Variants in CEP120 observed in about 807,000 individuals in gnomAD.
The protein encoded by CEP120 is centrosomal protein of 120 kDa.
In CEP120, 113 loss-of-function variants were observed where a neutral mutation model predicts 126.5. The observed-to-expected ratio is 0.89, with a 90% CI of 0.77 to 1.04. The LOEUF (loss-of-function observed/expected upper bound fraction) is 1.04. CEP120 is among the 50% of genes least tolerant of loss of function. The probability of loss-of-function intolerance (pLI) is 0.00; values close to 1 mark genes in which losing one functional copy is unlikely to be tolerated. For synonymous variants in CEP120, 400 were observed against 394.3 expected (o/e 1.01, Z -0.17); for missense variants, 1,230 against 1,155.7 (o/e 1.06, Z -0.93).
intron 5 of CEP120, among the ~76,000 whole-genome samples, chr5:123,395,027 C>T (rs1199523182): frequency 6.6e-6 from 1 of 152,228 alleles, no homozygotes; most frequent in African/African-American, 2.4e-5. Context: ...GAGAAGAACA[C>T]ACTAACCATT....
chr5:123,364,692 T>G, intron 17 of CEP120, 98 bp from the exon 18 acceptor site: 1 of 550,652 alleles, frequency 1.8e-6, no homozygotes, highest in Non-Finnish European at 3.1e-6. Context: ...AGAAAAGAGT[T>G]TATACAGTGT....
chr5:123,375,923 T>C (rs1562027526), intron 16 of CEP120, among the ~76,000 whole-genome samples: 1 of 151,996 alleles, frequency 6.6e-6, no homozygotes, highest in Non-Finnish European at 1.5e-5. Context: ...TTGGGAGGCA[T>C]TCATCATACA....
rs183884148 is a variant in CEP120, at chr5:123,349,792, C to T, written c.2726+152G>A. ...GTGCTAGGATTACAGGCATGCGCCA[C>T]AGTACCCAGCTGGCATAGATTTTCT... On this transcript the variant is annotated intron_variant, in intron 19 of 19. Transcript: ENST00000306467. The T allele has an allele frequency of 1.6e-3, 1,018 of 627,538 alleles. 7 individuals are homozygous for T. The highest frequency in any genetic ancestry group is 9.3e-3 in the South Asian group (397 of 42,638). 38.9% of individuals were successfully genotyped at this position (627,538 alleles called of 1,614,324 possible). A position where few individuals can be genotyped will look rare whatever the true frequency, so the allele number is the denominator to read the frequency against.
At chr5:123,418,599 GTTT>G (rs10544575) in intron 1 of CEP120, 84 bp from the exon 2 acceptor site, 11,892 of 860,750 alleles carry the variant, frequency 0.014, 5 homozygotes, top group South Asian at 0.021. Context: ...TGTTTGGCTG[GTTT>G]TTTTTTTTTT....
chr5:123,369,580 C>A (rs1770705588), intron 17 of CEP120, among the ~76,000 whole-genome samples: 1 of 151,960 alleles, frequency 6.6e-6, no homozygotes, highest in African/African-American at 2.4e-5. Context: ...CCAGGCTTAA[C>A]CTCACTTCAG....
In CEP120 at chr5:123,357,982, G is replaced by A. The variant is rs1362429381; in HGVS notation, c.2580+6514C>T. 3.3e-5 allele frequency among the ~76,000 whole-genome samples: 5 copies of A among 152,198 alleles called. No homozygotes were observed. In the East Asian group the frequency reaches 9.7e-4, roughly 29 times the overall value. On this transcript the variant is annotated intron_variant, in intron 18 of 19. Transcript: ENST00000306467. ...AGATAATTATGTAATATTTAGTGAA[G>A]CTGAAGAAATGAATGTCCCCTAGTA...
chr5:123,381,767 A>AT (rs34626784), intron 14 of CEP120, among the ~76,000 whole-genome samples: 3 of 150,490 alleles, frequency 2.0e-5, no homozygotes, highest in African/African-American at 7.3e-5. Flanking sequence ...ACACACACAT[A>AT]TTTTTTTTTA....
intron 2 of CEP120, among the ~76,000 whole-genome samples, chr5:123,416,870 C>G (rs1432166247): frequency 6.6e-6 from 1 of 151,854 alleles, no homozygotes; most frequent in Admixed American, 6.6e-5. Context: ...AAAAAACAAA[C>G]AGGAATTAAA....
intron 17 of CEP120, among the ~76,000 whole-genome samples, chr5:123,371,941 A>G (rs767541014): frequency 2.9e-4 from 44 of 152,102 alleles, no homozygotes; most frequent in Non-Finnish European, 5.4e-4. Context: ...ATCATGCCTA[A>G]AAGTTATTAA....
At chr5:123,411,761 G>C (rs934520367) in intron 4 of CEP120, among the ~76,000 whole-genome samples, 1 of 152,212 alleles carries the variant, frequency 6.6e-6, no homozygotes, top group African/African-American at 2.4e-5. Flanking sequence ...TACTACAATA[G>C]TGGATACTAC....
intron 1 of CEP120, among the ~76,000 whole-genome samples, chr5:123,420,248 T>C (rs539215126): frequency 2.0e-4 from 30 of 152,324 alleles, no homozygotes; most frequent in African/African-American, 7.2e-4. Context: ...CATATTATTA[T>C]AACTAGCAGC....
chr5:123,365,797 G>A (rs956981636), intron 17 of CEP120, among the ~76,000 whole-genome samples: 1 of 151,382 alleles, frequency 6.6e-6, no homozygotes, highest in Non-Finnish European at 1.5e-5. Context: ...TTATCACTGT[G>A]GGATAAGAGG....
chr5:123,417,728 C>G (rs964501829), intron 2 of CEP120, among the ~76,000 whole-genome samples: 17 of 151,222 alleles, frequency 1.1e-4, no homozygotes, highest in Non-Finnish European at 2.2e-4. Flanking sequence ...AAAAAAAAAC[C>G]CAAACAGCTC....
At chr5:123,402,612 C>T (rs1360205577) in intron 4 of CEP120, among the ~76,000 whole-genome samples, 1 of 152,128 alleles carries the variant, frequency 6.6e-6, no homozygotes, top group Non-Finnish European at 1.5e-5. Flanking sequence ...GGGGTTTCAC[C>T]ATGTTGGCCA....
intron 4 of CEP120, among the ~76,000 whole-genome samples, chr5:123,402,557 T>C (rs1773332493): frequency 6.6e-6 from 1 of 152,022 alleles, no homozygotes; most frequent in African/African-American, 2.4e-5. Flanking sequence ...GATTACAGGC[T>C]TGTGCCACCA....
intron 10 of CEP120, 111 bp from the exon 11 acceptor site, chr5:123,385,244 GGAATGTCGTCTAACACAATTGTTA>G (rs1358777659): frequency 1.3e-6 from 1 of 752,888 alleles, no homozygotes; most frequent in Non-Finnish European, 2.1e-6. Flanking sequence ...TTTGTTACCT[GGAATGTCGTCTAACACAATTGTTA>G]GACTGAATGC....
At chr5:123,399,492 G>A (rs368884971) in intron 4 of CEP120, among the ~76,000 whole-genome samples, 3 of 152,104 alleles carry the variant, frequency 2.0e-5, no homozygotes, top group African/African-American at 7.2e-5. Context: ...GTAAAATTCT[G>A]GAGTAACATT....
At chr5:123,420,377 C>A (rs1015261191) in intron 1 of CEP120, among the ~76,000 whole-genome samples, 6 of 152,066 alleles carry the variant, frequency 3.9e-5, no homozygotes, top group Non-Finnish European at 7.4e-5. Context: ...TAGTACATAG[C>A]CCAAATTTTG....
At chr5:123,391,021 T>C in intron 7 of CEP120, 89 bp downstream of exon 7, 1 of 860,862 alleles carries the variant, frequency 1.2e-6, no homozygotes. Flanking sequence ...TATATCCTTA[T>C]GAAGGTAACT....
Sources: gnomAD v4.1 joint callset for allele counts (sites outside exome capture counted in the v4.1 genomes callset) on GRCh38, gnomAD v4.1.1 for gene constraint, MANE v1.5 for transcripts, NCBI Gene and HGNC (gene_info 2026-07-23, HGNC 2026-07-21) for gene names.